Variants in CFAP58 observed in about 807,000 individuals in gnomAD.
CFAP58 encodes cilia- and flagella-associated protein 58.
A neutral mutation model predicts 119.5 loss-of-function variants in CFAP58; 88 were observed. That is an observed-to-expected ratio of 0.74 (90% CI 0.62 to 0.88). The LOEUF is 0.88. CFAP58 is among the 40% of genes least tolerant of loss of function. CFAP58 has a pLI of 0.00. For synonymous variants in CFAP58, 365 were observed against 366.3 expected, an observed-to-expected ratio of 1.00 and a Z score of 0.04; for missense variants, 990 against 1,021.2, an observed-to-expected ratio of 0.97 and a Z score of 0.42.
rs1169891119 is a variant in CFAP58 at position 104,454,707 on chromosome 10, C to T, written c.*177C>T. Reference sequence around the variant, plus strand: ...GAGGGATGGTGTTTTGTCTGGTTCACGTTGATATTAACAGATCATAATTCT... The same window carrying T: ...GAGGGATGGTGTTTTGTCTGGTTCATGTTGATATTAACAGATCATAATTCT... On this transcript the variant is annotated 3_prime_UTR_variant, in exon 18 of 18. Transcript: ENST00000369704. The T allele has an allele frequency of 1.5e-5, 9 of 582,468 alleles. No homozygotes were observed. In the East Asian group the frequency reaches 2.0e-4, roughly 13 times the overall value. The allele number at this position is 582,468 out of a possible 1,614,324, so 36.1% of individuals were successfully genotyped here. A position where few individuals can be genotyped will look rare whatever the true frequency, so the allele number is the denominator to read the frequency against.
At chr10:104,359,578 G>A (rs942143428) in intron 2 of CFAP58, among the ~76,000 whole-genome samples, 4 of 152,216 alleles carry the variant, frequency 2.6e-5, no homozygotes, top group Admixed American at 6.5e-5. Context: ...CGAGGTGGGT[G>A]GATCACCTGA....
the CFAP58 span, among the ~76,000 whole-genome samples, chr10:104,346,677 C>A: frequency 1.4e-5 from 2 of 137,996 alleles, no homozygotes; most frequent in African/African-American, 5.7e-5. Flanking sequence ...ACTCTGTCGC[C>A]CAGGCTGGAG....
intron 9 of CFAP58, among the ~76,000 whole-genome samples, chr10:104,384,542 T>C (rs1366737064): frequency 2.0e-5 from 3 of 152,140 alleles, no homozygotes; most frequent in African/African-American, 4.8e-5. Context: ...ACGGTAAAGG[T>C]CTGGCTCTGA....
intron 15 of CFAP58, among the ~76,000 whole-genome samples, chr10:104,412,064 G>A (rs1335819564): frequency 2.6e-5 from 4 of 152,060 alleles, no homozygotes; most frequent in African/African-American, 9.7e-5. Flanking sequence ...TTTGACACTT[G>A]AGCAAACTAA....
chr10:104,364,186 T>C (rs2014709401), intron 3 of CFAP58, among the ~76,000 whole-genome samples: 1 of 152,218 alleles, frequency 6.6e-6, no homozygotes, highest in African/African-American at 2.4e-5. Context: ...CTGTTTATGC[T>C]TTATTCTAGA....
chr10:104,401,744 A>C (rs2012268759), intron 13 of CFAP58, among the ~76,000 whole-genome samples: 1 of 152,148 alleles, frequency 6.6e-6, no homozygotes. Context: ...ATCAAGGATA[A>C]ATCAATACTT....
In CFAP58 at chr10:104,380,063, A is replaced by T. The variant is rs1412423959; in HGVS notation, c.1208A>T (p.Gln403Leu). The T allele has an allele frequency of 3.1e-6, 5 of 1,614,042 alleles. No individual in the cohort carries two copies. The highest frequency in any genetic ancestry group is 4.2e-6 in the Non-Finnish European group (5 of 1,179,994). ...AAGGCGGTCAATGCGACCCAGAAGC[A>T]GACAGACTTGGTAAAGCTCCATGAA... ...MLKAVNATQK[Q>L]TDLVKLHEQA... Residue 403 changes from glutamine to leucine, a missense_variant, in exon 9 of 18, where the codon CAG (glutamine) becomes CTG (leucine). Transcript: ENST00000369704.
At chr10:104,441,044 C>T (rs1481284504) in intron 15 of CFAP58, among the ~76,000 whole-genome samples, 1 of 152,196 alleles carries the variant, frequency 6.6e-6, no homozygotes, top group African/African-American at 2.4e-5. Context: ...ATTCTGTCAC[C>T]CAGGCTGGAG....
rs2014503238 is a variant in CFAP58, at chr10:104,353,880, C to T, written c.-18C>T. The stretch of plus-strand genomic sequence containing the variant: ...ATCTCCACAGCAGCCTCTGAGGCCG[C>T]CCCCAGAGAGCATCAGGATGGCTGA... On this transcript the variant is annotated 5_prime_UTR_variant, in exon 1 of 18. Coordinates refer to ENST00000369704, the MANE Select transcript of CFAP58 (RefSeq NM_001008723.2). 2 of 1,612,576 alleles carry T rather than the reference C, an allele frequency of 1.2e-6. No individual in the cohort carries two copies. Among genetic ancestry groups the T allele is most frequent in the South Asian group, 1.1e-5 (1 of 91,028 alleles).
At chr10:104,384,833 T>C (rs1025826168) in intron 9 of CFAP58, among the ~76,000 whole-genome samples, 7 of 151,856 alleles carry the variant, frequency 4.6e-5, no homozygotes, top group Admixed American at 3.9e-4. Flanking sequence ...GTGAGAAAAG[T>C]AACAGGAAGT....
intron 1 of CFAP58, among the ~76,000 whole-genome samples, chr10:104,354,337 A>G (rs1589904442): frequency 6.6e-6 from 1 of 152,002 alleles, no homozygotes; most frequent in Non-Finnish European, 1.5e-5. Flanking sequence ...TCCACCTGTC[A>G]CACCCTGATT....
intron 6 of CFAP58, among the ~76,000 whole-genome samples, chr10:104,369,840 C>G (rs533989935): frequency 6.6e-6 from 1 of 152,294 alleles, no homozygotes; most frequent in East Asian, 1.9e-4. Flanking sequence ...AGAATCCCAG[C>G]TGCTTTTCCA....
chr10:104,411,129 G>A (rs544069930), intron 15 of CFAP58, among the ~76,000 whole-genome samples: 27 of 151,896 alleles, frequency 1.8e-4, no homozygotes, highest in Non-Finnish European at 3.1e-4. Flanking sequence ...TAGTAGAGAC[G>A]GGGTTTCATC....
At chr10:104,429,871 A>AT (rs35432269) in intron 15 of CFAP58, among the ~76,000 whole-genome samples, 51,660 of 146,470 alleles carry the variant, frequency 0.35, 10,058 homozygotes, top group African/African-American at 0.55. Context: ...ATATAAACTC[A>AT]TTTTTTTTTT....
At chr10:104,386,447 C>T (rs2011927191) in intron 9 of CFAP58, among the ~76,000 whole-genome samples, 1 of 151,570 alleles carries the variant, frequency 6.6e-6, no homozygotes, top group Non-Finnish European at 1.5e-5. Context: ...CTTTAGTATC[C>T]TGATTTAAAA....
At chr10:104,433,145 G>C (rs1257550804) in intron 15 of CFAP58, among the ~76,000 whole-genome samples, 3 of 152,192 alleles carry the variant, frequency 2.0e-5, no homozygotes, top group African/African-American at 7.2e-5. Context: ...CCAGATTGGA[G>C]TGCAGTGGTA....
intron 9 of CFAP58, chr10:104,382,497 C>G: frequency 3.0e-6 from 1 of 329,208 alleles, no homozygotes; most frequent in Non-Finnish European, 5.7e-6. Flanking sequence ...ACCTCTGTCA[C>G]CTCTCCCTGG....
intron 9 of CFAP58, among the ~76,000 whole-genome samples, chr10:104,390,597 G>A (rs941094268): frequency 1.3e-5 from 2 of 152,046 alleles, no homozygotes; most frequent in East Asian, 1.9e-4. Flanking sequence ...GTACATAGAA[G>A]GTAACTGATG....
chr10:104,399,391 T>C lies in CFAP58; in HGVS notation c.1706T>C (p.Leu569Pro), dbSNP rs773132980. 6.2e-7 allele frequency: 1 copy of C among 1,613,868 alleles called. No individual in the cohort carries two copies. Among genetic ancestry groups the C allele is most frequent in the African/African-American group, 1.3e-5 (1 of 75,008 alleles). The part of the protein sequence containing the change: ...AELQKLRQQA[L>P]ETKHFIEKQE... ...CTGCAGAAGCTGAGACAACAAGCCCTGGAGACAAAACACTTTATTGAAAAG... is the reference window on the plus strand; with the variant it reads ...CTGCAGAAGCTGAGACAACAAGCCCCGGAGACAAAACACTTTATTGAAAAG... Residue 569 changes from leucine (L) to proline (P), a missense_variant, in exon 12 of 18, where the codon CTG becomes CCG. Leu to Pro is a moderately conservative substitution (Grantham distance 98). Transcript: ENST00000369704.
Sources: allele counts gnomAD v4.1 joint callset (sites outside exome capture counted in the v4.1 genomes callset), GRCh38; gene constraint gnomAD v4.1.1; transcripts MANE v1.5; gene names NCBI Gene and HGNC (gene_info 2026-07-23, HGNC 2026-07-21).